The following UNC5D variants were observed in gnomAD, a reference collection of about 807,000 sequenced individuals.
UNC5D encodes netrin receptor UNC5D.
Under a neutral mutation model 105.4 loss-of-function variants are expected in UNC5D, and 39 were observed. The ratio of observed to expected loss-of-function variants is 0.37; its 90% CI spans 0.29 to 0.48. UNC5D has a LOEUF of 0.48. Among genes scored for constraint, UNC5D ranks in the 20% least tolerant of loss-of-function variants. UNC5D has a pLI of 0.98. For missense variants in UNC5D, 991 were observed against 1,202.4 expected, an observed-to-expected ratio of 0.82 and a Z score of 2.60; for synonymous variants, 452 against 450.4, an observed-to-expected ratio of 1.00 and a Z score of -0.04.
chr8:35,721,570 GACTTAACA>G, intron 8 of UNC5D: 1 of 700,730 alleles, frequency 1.4e-6, no homozygotes, highest in Admixed American at 2.0e-5. Context: ...ATCTGCCATG[GACTTAACA>G]GCACCTGGGA....
chr8:35,555,173 G>T (rs1816450323), intron 2 of UNC5D, among the ~76,000 whole-genome samples: 1 of 152,074 alleles, frequency 6.6e-6, no homozygotes. Flanking sequence ...CAGTTTGTGG[G>T]TTTCAAACTC....
Position 35,626,467 on chromosome 8 carries a change from A to G in UNC5D, c.570+30810A>G, listed in dbSNP as rs183759766. ...ATATATGAGATTATAGTGCTTGGTA[A>G]ACCATGGAAACCATGCTCCTAGGCT... On this transcript the variant is annotated intron_variant, in intron 4 of 16. Coordinates refer to ENST00000404895, the MANE Select transcript of UNC5D (RefSeq NM_080872.4). Among the ~76,000 whole-genome samples, 8 of 152,310 alleles carry G rather than the reference A, an allele frequency of 5.3e-5. 1 individual carries two copies. The East Asian group carries it at 1.5e-3, about 29-fold the overall frequency.
intron 1 of UNC5D, among the ~76,000 whole-genome samples, chr8:35,497,553 T>G (rs1811676365): frequency 6.6e-6 from 1 of 151,854 alleles, no homozygotes; most frequent in Non-Finnish European, 1.5e-5. Context: ...GGAGAAATGA[T>G]GCGTTAGATT....
chr8:35,633,182 T>C (rs986291730), intron 4 of UNC5D, among the ~76,000 whole-genome samples: 1 of 152,212 alleles, frequency 6.6e-6, no homozygotes, highest in African/African-American at 2.4e-5. Context: ...CTGTGCTCCC[T>C]TAGGATAGGA....
chr8:35,503,710 C>T (rs1181759286), intron 1 of UNC5D, among the ~76,000 whole-genome samples: 1 of 152,172 alleles, frequency 6.6e-6, no homozygotes, highest in Non-Finnish European at 1.5e-5. Flanking sequence ...CTGGTGGCTT[C>T]CTTAATAGAA....
chr8:35,259,687 A>G (rs1330813033), intron 1 of UNC5D, among the ~76,000 whole-genome samples: 2 of 151,884 alleles, frequency 1.3e-5, no homozygotes, highest in Non-Finnish European at 2.9e-5. Flanking sequence ...AAGGGCTTTC[A>G]TATTTTCAAA....
intron 1 of UNC5D, among the ~76,000 whole-genome samples, chr8:35,453,589 A>G (rs146440605): frequency 9.2e-5 from 14 of 152,318 alleles, no homozygotes; most frequent in Admixed American, 6.5e-4. Context: ...TTAAATTTGT[A>G]TCCTGGGAAC....
chr8:35,754,707 G>A (rs1012242343), intron 13 of UNC5D, among the ~76,000 whole-genome samples: 5 of 152,080 alleles, frequency 3.3e-5, no homozygotes, highest in Admixed American at 1.3e-4. Flanking sequence ...TTTTAGTCCT[G>A]TCTTCCTTTC....
intron 1 of UNC5D, among the ~76,000 whole-genome samples, chr8:35,297,360 A>G (rs35707684): frequency 0.083 from 12,606 of 152,270 alleles, 717 homozygotes; most frequent in East Asian, 0.21. Flanking sequence ...AGGCATCTAC[A>G]TATCAGAAAA....
chr8:35,740,449 G>A (rs1182953189), intron 11 of UNC5D, among the ~76,000 whole-genome samples: 1 of 152,148 alleles, frequency 6.6e-6, no homozygotes, highest in Non-Finnish European at 1.5e-5. Flanking sequence ...AGGAGCACAA[G>A]CCTCCTGACA....
intron 1 of UNC5D, among the ~76,000 whole-genome samples, chr8:35,320,720 G>A (rs1211746017): frequency 1.3e-5 from 2 of 152,084 alleles, no homozygotes; most frequent in Non-Finnish European, 2.9e-5. Flanking sequence ...AGCTGTGCCT[G>A]GACATCCAAA....
At chr8:35,495,884 G>A (rs1585978190) in intron 1 of UNC5D, among the ~76,000 whole-genome samples, 1 of 152,174 alleles carries the variant, frequency 6.6e-6, no homozygotes, top group East Asian at 1.9e-4. Flanking sequence ...AATTATTTAA[G>A]GTCAAGTACC....
intron 1 of UNC5D, among the ~76,000 whole-genome samples, chr8:35,533,339 G>A (rs1220993954): frequency 3.3e-5 from 5 of 152,032 alleles, no homozygotes; most frequent in Admixed American, 6.6e-5. Flanking sequence ...GCTGGGGGGT[G>A]CCTCCCAGTT....
At chr8:35,722,131 CATTT>C (rs1025583879) in intron 8 of UNC5D, 75 bp from the exon 9 acceptor site, 2 of 1,504,352 alleles carry the variant, frequency 1.3e-6, no homozygotes, top group Admixed American at 3.8e-5. Context: ...AATCCAATAG[CATTT>C]CCTTTTGTAT....
At chr8:35,778,140 A>G (rs1199062923) in intron 16 of UNC5D, among the ~76,000 whole-genome samples, 1 of 152,196 alleles carries the variant, frequency 6.6e-6, no homozygotes, top group African/African-American at 2.4e-5. Flanking sequence ...TGTCTGAATA[A>G]GGATGTTTTT....
intron 7 of UNC5D, among the ~76,000 whole-genome samples, chr8:35,692,702 CTCTCT>C (rs1826490655): frequency 6.6e-6 from 1 of 152,190 alleles, no homozygotes; most frequent in African/African-American, 2.4e-5. Flanking sequence ...CGTAGTTAAA[CTCTCT>C]AAAGTCAAGA....
intron 1 of UNC5D, among the ~76,000 whole-genome samples, 151 bp downstream of exon 1, chr8:35,236,038 T>A (rs1057419024): frequency 1.3e-5 from 2 of 152,154 alleles, no homozygotes; most frequent in Non-Finnish European, 2.9e-5. Flanking sequence ...AGTGGAGGAC[T>A]CCGAGGGGAC....
intron 1 of UNC5D, among the ~76,000 whole-genome samples, chr8:35,336,618 G>C (rs1291217258): frequency 6.6e-6 from 1 of 152,076 alleles, no homozygotes; most frequent in Non-Finnish European, 1.5e-5. Context: ...TGGGTGACAG[G>C]GTCAGAGCTG....
chr8:35,567,123 T>C (rs1242587488), intron 2 of UNC5D, among the ~76,000 whole-genome samples: 3 of 151,894 alleles, frequency 2.0e-5, no homozygotes, highest in African/African-American at 7.3e-5. Context: ...TAGCTGCATC[T>C]CAGTTCACTG....
Sources: gnomAD v4.1 joint callset for allele counts (sites outside exome capture counted in the v4.1 genomes callset) on GRCh38, gnomAD v4.1.1 for gene constraint, MANE v1.5 for transcripts, NCBI Gene and HGNC (gene_info 2026-07-23, HGNC 2026-07-21) for gene names.